PPP3CC: variants seen among roughly 807,000 people sequenced by gnomAD.
PPP3CC encodes the protein serine/threonine-protein phosphatase 2B catalytic subunit gamma isoform.
Under a neutral mutation model 60.3 loss-of-function variants are expected in PPP3CC, and 35 were observed. The ratio of observed to expected loss-of-function variants is 0.58; its 90% CI spans 0.44 to 0.77. The LOEUF (loss-of-function observed/expected upper bound fraction) is 0.77, where lower values mean the gene tolerates loss of function less well. PPP3CC is among the 30% of genes least tolerant of loss of function. The probability of loss-of-function intolerance (pLI) is 0.00; values close to 1 mark genes in which losing one functional copy is unlikely to be tolerated. For missense variants in PPP3CC, 570 were observed against 628.9 expected (o/e 0.91, Z 1.00); for synonymous variants, 206 against 224.3 (o/e 0.92, Z 0.73).
intron 1 of PPP3CC, among the ~76,000 whole-genome samples, chr8:22,460,808 A>T (rs1410476657): frequency 6.6e-6 from 1 of 152,094 alleles, no homozygotes; most frequent in Non-Finnish European, 1.5e-5. Flanking sequence ...ACAGAGTGAG[A>T]GACCCTGTGT....
chr8:22,494,127 C>A (rs1220604954), intron 3 of PPP3CC, among the ~76,000 whole-genome samples: 2 of 152,160 alleles, frequency 1.3e-5, no homozygotes, highest in Non-Finnish European at 1.5e-5. Flanking sequence ...TGTTTCTCAA[C>A]ATAGGCCTCT....
chr8:22,536,403 A>G (rs1022178114), intron 12 of PPP3CC, among the ~76,000 whole-genome samples: 7 of 152,276 alleles, frequency 4.6e-5, no homozygotes, highest in African/African-American at 1.7e-4. Context: ...TTGCTGATCC[A>G]CAAAATTGTT....
intron 6 of PPP3CC, among the ~76,000 whole-genome samples, chr8:22,518,284 T>TC (rs1411040692): frequency 6.6e-6 from 1 of 152,202 alleles, no homozygotes; most frequent in Non-Finnish European, 1.5e-5. Context: ...TAGGCTGGTC[T>TC]CGAACTCCTG....
In PPP3CC at chr8:22,441,364, C is replaced by T. The variant is rs1179579925; in HGVS notation, c.-46C>T. On this transcript the variant is annotated 5_prime_UTR_variant, in exon 1 of 14. Transcript: ENST00000240139. Reference sequence around the variant, plus strand: ...GAGAAGGCGGCGGCCGCGGCGTAGGCGCACGTCCGGCGGGCTCCTGGAGCC... The same window carrying T: ...GAGAAGGCGGCGGCCGCGGCGTAGGTGCACGTCCGGCGGGCTCCTGGAGCC... 2.0e-6 allele frequency: 3 copies of T among 1,509,930 alleles called. No individual in the cohort carries two copies. The highest frequency in any genetic ancestry group is 1.8e-6 in the Non-Finnish European group (2 of 1,131,074). The allele number at this position is 1,509,930 out of a possible 1,614,324, so 93.5% of individuals were successfully genotyped here.
chr8:22,455,239 T>G (rs1017215914), intron 1 of PPP3CC, among the ~76,000 whole-genome samples: 2 of 152,138 alleles, frequency 1.3e-5, no homozygotes, highest in Non-Finnish European at 2.9e-5. Context: ...AAATACTACT[T>G]GAAAAGTACT....
At position 22,522,498 on chromosome 8, in the gene PPP3CC, G is replaced by A. The variant is rs1165960402; in HGVS notation, c.778G>A (p.Ala260Thr). Reference protein sequence around the residue: ...RGCSYFYSYPAVCEFLQNNNL... With the variant: ...RGCSYFYSYPTVCEFLQNNNL... ...TCTAATTTTCTTTTCCAGTTACCCT[G>A]CAGTTTGTGAATTTTTGCAGAACAA... Residue 260 changes from alanine (A) to threonine (T), a missense_variant, in exon 7 of 14, where the codon GCA (alanine) becomes ACA (threonine). Physicochemically the swap from Ala to Thr is moderately conservative, Grantham distance 58. Transcript: ENST00000240139. The A allele has an allele frequency of 5.0e-6, 8 of 1,608,136 alleles. No homozygotes were observed. In the African/African-American group the frequency reaches 9.4e-5, roughly 19 times the overall value.
chr8:22,445,105 A>G (rs1836783736), intron 1 of PPP3CC, among the ~76,000 whole-genome samples: 1 of 152,202 alleles, frequency 6.6e-6, no homozygotes. Flanking sequence ...CCTTTCTCTT[A>G]GAATTCAAAT....
At chr8:22,475,470 T>G in intron 2 of PPP3CC, 30 bp from the exon 3 acceptor site, 1 of 1,592,886 alleles carries the variant, frequency 6.3e-7, no homozygotes, top group Non-Finnish European at 8.6e-7. Context: ...AGGTATAATT[T>G]CTCACATCAC....
At chr8:22,452,898 T>A (rs928784203) in intron 1 of PPP3CC, among the ~76,000 whole-genome samples, 8 of 152,252 alleles carry the variant, frequency 5.3e-5, no homozygotes, top group East Asian at 1.9e-4. Context: ...TTTAAATATT[T>A]TCTTGTCCTT....
intron 4 of PPP3CC, among the ~76,000 whole-genome samples, chr8:22,503,899 G>A (rs879765928): frequency 7.9e-5 from 12 of 152,190 alleles, no homozygotes; most frequent in Non-Finnish European, 1.5e-4. Context: ...TATAAGGAGA[G>A]AGCATGTGTG....
At chr8:22,476,504 C>T (rs1245993036) in intron 3 of PPP3CC, among the ~76,000 whole-genome samples, 1 of 152,138 alleles carries the variant, frequency 6.6e-6, no homozygotes, top group Non-Finnish European at 1.5e-5. Flanking sequence ...AGCCTCACTC[C>T]TAAATGCAAG....
intron 1 of PPP3CC, among the ~76,000 whole-genome samples, chr8:22,472,405 C>CACACACACACACACACACACAA (rs1837755392): frequency 6.7e-6 from 1 of 149,470 alleles, no homozygotes; most frequent in Admixed American, 6.7e-5. Context: ...CACACACACA[C>CACACACACACACACACACACAA]ACTGAGCCTA....
chr8:22,515,853 T>G (rs1314854773), intron 6 of PPP3CC, among the ~76,000 whole-genome samples: 1 of 152,170 alleles, frequency 6.6e-6, no homozygotes, highest in Non-Finnish European at 1.5e-5. Flanking sequence ...GCTCCTTACA[T>G]ATTCTGGTTA....
At chr8:22,532,436 T>G in intron 11 of PPP3CC, 130 bp downstream of exon 11, 4 of 717,596 alleles carry the variant, frequency 5.6e-6, no homozygotes, top group Non-Finnish European at 9.4e-6. Context: ...GAGTGCAAAT[T>G]CAATGAACAT....
At chr8:22,452,589 C>G (rs1341834096) in intron 1 of PPP3CC, among the ~76,000 whole-genome samples, 1 of 152,144 alleles carries the variant, frequency 6.6e-6, no homozygotes, top group Non-Finnish European at 1.5e-5. Context: ...CCTCAAACTC[C>G]TGGGCTCAAG....
rs1484384902 is a variant in PPP3CC, at chr8:22,511,259, G to T, written c.630+28G>T. On this transcript the variant is annotated intron_variant, in intron 5 of 13. Transcript: ENST00000240139. ...AAGTAATCTTTTATTATTCTCACAG[G>T]GAATATTTTTAAAATGTGTTGGGTT... 3.8e-6 allele frequency: 6 copies of T among 1,591,594 alleles called. No individual in the cohort carries two copies. In the East Asian group the frequency reaches 1.3e-4, roughly 36 times the overall value.
At chr8:22,489,759 GTA>G (rs1446286151) in intron 3 of PPP3CC, among the ~76,000 whole-genome samples, 2 of 84,360 alleles carry the variant, frequency 2.4e-5, no homozygotes, top group African/African-American at 8.1e-5. Context: ...TTATATATAA[GTA>G]TATATTTTAT....
At chr8:22,463,862 C>T (rs1466358194) in intron 1 of PPP3CC, among the ~76,000 whole-genome samples, 4 of 151,728 alleles carry the variant, frequency 2.6e-5, no homozygotes, top group Non-Finnish European at 4.4e-5. Context: ...TCTCGGCTCA[C>T]TGCAACCTCC....
intron 1 of PPP3CC, among the ~76,000 whole-genome samples, chr8:22,446,430 T>C (rs1836823951): frequency 6.6e-6 from 1 of 152,222 alleles, no homozygotes. Context: ...TGCTAAGGAC[T>C]CATTACTTAA....
Sources: allele counts gnomAD v4.1 joint callset (sites outside exome capture counted in the v4.1 genomes callset), GRCh38; gene constraint gnomAD v4.1.1; transcripts MANE v1.5; gene names NCBI Gene and HGNC (gene_info 2026-07-23, HGNC 2026-07-21).